The following FYB1 variants were observed in gnomAD, a reference collection of about 807,000 sequenced individuals.
FYB1 encodes the protein FYN-binding protein 1.
Under a neutral mutation model 94.1 loss-of-function variants are expected in FYB1, and 41 were observed. That is an observed-to-expected ratio of 0.44 (90% confidence interval 0.34 to 0.57). The LOEUF is 0.57. Among genes scored for constraint, FYB1 ranks in the 20% least tolerant of loss-of-function variants. The pLI is 0.02. For missense variants in FYB1, 1,050 were observed against 976.8 expected (o/e 1.07, Z -1.00); for synonymous variants, 367 against 353.2 (o/e 1.04, Z -0.44).
rs916438215 is a variant in FYB1 at position 39,173,361 on chromosome 5, T to C, written c.1136-19757A>G. 8.5e-5 allele frequency among the ~76,000 whole-genome samples: 13 copies of C among 152,282 alleles called. 2 individuals are homozygous for C. In the South Asian group the frequency reaches 2.7e-3, roughly 32 times the overall value. ...TATTAGACCTTTGTCAGATGCATAG[T>C]TTCTGAACATTTTCTCCCATTCTTT... On this transcript the variant is annotated intron_variant, in intron 2 of 18. Transcript: ENST00000512982.
chr5:39,202,689 C>A lies in FYB1; in HGVS notation c.272G>T (p.Arg91Ile). 6.2e-7 allele frequency: 1 copy of A among 1,613,848 alleles called. No homozygotes were observed. Among genetic ancestry groups the A allele is most frequent in the Non-Finnish European group, 8.5e-7 (1 of 1,179,850 alleles). ...GGTCAAGCTGGCTGGTGTTCCGAAT[C>A]TTTGGCCTGCTCCAGTGGGCTTTAG... ...PFLKPTGAGQ[R>I]FGTPASLTTR... The change falls in exon 2 of 19, where the codon AGA becomes ATA. Residue 91 changes from arginine to isoleucine, a missense_variant. Arg to Ile is a moderately conservative substitution (Grantham distance 97, BLOSUM62 -3). Transcript: ENST00000512982.
At position 39,177,845 on chromosome 5, in the gene FYB1, AC is replaced by A. The variant is rs1685777341; in HGVS notation, c.1135+23980del. On this transcript the variant is annotated intron_variant, in intron 2 of 18. Coordinates refer to ENST00000512982, the MANE Select transcript of FYB1 (RefSeq NM_001465.6). The stretch of plus-strand genomic sequence containing the variant: ...TGAAGCTGTTAGAAGCTGCAAGAAT[AC>A]CCACTTCCTACTTTACTGGTGACAT... Among the ~76,000 whole-genome samples the A allele has an allele frequency of 3.3e-5, 5 of 152,174 alleles. No homozygotes were observed. In the South Asian group the frequency reaches 1.0e-3, roughly 32 times the overall value.
chr5:39,118,899 A>G lies in FYB1; in HGVS notation c.2376T>C (p.Val792=). ...EVIQTTDDTK[V]LCRNEEGKYG... Reference sequence around the variant, plus strand: ...ATTTCCCTTCTTCATTTCTGCAGAGAACTTTTGTGTCATCTGTGGTTTGTA... The same window carrying G: ...ATTTCCCTTCTTCATTTCTGCAGAGGACTTTTGTGTCATCTGTGGTTTGTA... The change falls in exon 16 of 19, where the codon GTT becomes GTC. Residue 792 remains valine, a synonymous_variant. Coordinates refer to ENST00000512982, the MANE Select transcript of FYB1 (RefSeq NM_001465.6). 1 of 1,533,638 alleles carries G rather than the reference A, an allele frequency of 6.5e-7. No homozygotes were observed. Among genetic ancestry groups the G allele is most frequent in the Non-Finnish European group, 8.8e-7 (1 of 1,132,958 alleles).
chr5:39,107,340 T>C lies in FYB1; in HGVS notation c.*103A>G. ...GGATTTCATAACAAATGATAATAAG[T>C]GGTTTTGTGCATTAATTTTCTTGAT... On this transcript the variant is annotated 3_prime_UTR_variant, in exon 19 of 19. Transcript: ENST00000512982. The C allele has an allele frequency of 1.5e-6, 1 of 670,890 alleles. No individual in the cohort carries two copies. The highest frequency in any genetic ancestry group is 2.7e-5 in the South Asian group (1 of 37,026). 41.6% of individuals were successfully genotyped at this position (670,890 alleles called of 1,614,324 possible).
chr5:39,132,707 A>AT (rs1379279396), intron 9 of FYB1, among the ~76,000 whole-genome samples: 1 of 152,104 alleles, frequency 6.6e-6, no homozygotes, highest in Non-Finnish European at 1.5e-5. Context: ...TGGATTTGTT[A>AT]TTTTTTTCTT....
intron 1 of FYB1, among the ~76,000 whole-genome samples, chr5:39,244,280 G>T (rs927833759): frequency 1.3e-5 from 2 of 152,096 alleles, no homozygotes; most frequent in Non-Finnish European, 2.9e-5. Flanking sequence ...CTGTGGGTTT[G>T]TCATAAATAG....
chr5:39,267,908 C>T (rs1158994129), intron 1 of FYB1, among the ~76,000 whole-genome samples: 1 of 152,118 alleles, frequency 6.6e-6, no homozygotes, highest in East Asian at 1.9e-4. Context: ...ACAGTCTTGT[C>T]TATATCACCA....
chr5:39,263,455 A>AG (rs1278602280), intron 1 of FYB1, among the ~76,000 whole-genome samples: 3 of 152,088 alleles, frequency 2.0e-5, no homozygotes, highest in Admixed American at 1.3e-4. Context: ...GGATATGAAT[A>AG]GGCCAGGGAT....
At chr5:39,117,599 C>T (rs556269118) in intron 16 of FYB1, among the ~76,000 whole-genome samples, 1 of 152,244 alleles carries the variant, frequency 6.6e-6, no homozygotes, top group East Asian at 1.9e-4. Context: ...GCCAACCACA[C>T]CTCCTCCGTG....
intron 1 of FYB1, among the ~76,000 whole-genome samples, chr5:39,251,168 A>T (rs535157216): frequency 6.6e-6 from 1 of 152,306 alleles, no homozygotes; most frequent in African/African-American, 2.4e-5. Flanking sequence ...AAAAACGGAA[A>T]ATAGAGGCCT....
chr5:39,269,148 C>T (rs1449151778), intron 1 of FYB1, among the ~76,000 whole-genome samples: 3 of 152,170 alleles, frequency 2.0e-5, no homozygotes, highest in African/African-American at 7.2e-5. Flanking sequence ...CTCCCGGATT[C>T]ACACCATTCT....
intron 7 of FYB1, among the ~76,000 whole-genome samples, chr5:39,136,360 C>T (rs1016188097): frequency 6.6e-6 from 1 of 152,050 alleles, no homozygotes; most frequent in African/African-American, 2.4e-5. Flanking sequence ...TGAGCCACCA[C>T]GCCTGGCCTA....
chr5:39,173,422 G>A (rs1166502041), intron 2 of FYB1, among the ~76,000 whole-genome samples: 4 of 152,080 alleles, frequency 2.6e-5, no homozygotes, highest in South Asian at 2.1e-4. Context: ...CCTTTGCTGT[G>A]CAGAGGCTCT....
chr5:39,108,910 C>T (rs973666222), intron 17 of FYB1, among the ~76,000 whole-genome samples: 6 of 151,752 alleles, frequency 4.0e-5, no homozygotes, highest in African/African-American at 7.3e-5. Context: ...ATTTTCTATC[C>T]GACAAACATA....
upstream of FYB1, among the ~76,000 whole-genome samples, chr5:39,224,358 G>A (rs944109731): frequency 1.3e-5 from 2 of 152,124 alleles, no homozygotes; most frequent in Non-Finnish European, 2.9e-5. Context: ...GAAAACAGAT[G>A]GGGGAGGGCT....
chr5:39,198,214 A>G (rs1748003193), intron 2 of FYB1, among the ~76,000 whole-genome samples: 1 of 152,206 alleles, frequency 6.6e-6, no homozygotes, highest in African/African-American at 2.4e-5. Context: ...AGAAAGACAT[A>G]CACGGAAAGA....
At chr5:39,168,205 T>C (rs28587564) in intron 2 of FYB1, among the ~76,000 whole-genome samples, 1 of 152,224 alleles carries the variant, frequency 6.6e-6, no homozygotes, top group Non-Finnish European at 1.5e-5. Context: ...TAAAGTGCCG[T>C]AATCAGGAAT....
chr5:39,206,771 T>A (rs1748896682), intron 1 of FYB1, among the ~76,000 whole-genome samples: 2 of 152,220 alleles, frequency 1.3e-5, no homozygotes. Context: ...CAGTTTCCTA[T>A]GTATGTTGCT....
intron 2 of FYB1, among the ~76,000 whole-genome samples, chr5:39,184,862 C>T (rs1200894338): frequency 6.6e-6 from 1 of 152,014 alleles, no homozygotes; most frequent in Non-Finnish European, 1.5e-5. Flanking sequence ...ACAACCTGTT[C>T]TAACTTAGTT....
Sources: gnomAD v4.1 joint callset for allele counts (sites outside exome capture counted in the v4.1 genomes callset) on GRCh38, gnomAD v4.1.1 for gene constraint, MANE v1.5 for transcripts, NCBI Gene and HGNC (gene_info 2026-07-23, HGNC 2026-07-21) for gene names.